The following VPS8 variants were observed in gnomAD, a reference collection of about 807,000 sequenced individuals.
The protein encoded by VPS8 is vacuolar protein sorting-associated protein 8 homolog.
A neutral mutation model predicts 216.4 loss-of-function variants in VPS8; 129 were observed. The observed-to-expected ratio is 0.60, with a 90% confidence interval of 0.52 to 0.69. VPS8 has a LOEUF of 0.69. Among genes scored for constraint, VPS8 ranks in the 30% least tolerant of loss-of-function variants. The pLI is 0.00. For missense variants in VPS8, 1,531 were observed against 1,683.5 expected (o/e 0.91, Z 1.59); for synonymous variants, 571 against 565.4 (o/e 1.01, Z -0.14).
intron 47 of VPS8, among the ~76,000 whole-genome samples, chr3:185,049,477 TTTA>T (rs754309703): frequency 6.6e-6 from 1 of 152,106 alleles, no homozygotes; most frequent in Non-Finnish European, 1.5e-5. Context: ...TAATCCCTCT[TTTA>T]CCACTACCCC....
rs967181615 is a variant in VPS8, at chr3:184,834,757, C to G, written c.447+15C>G. The G allele has an allele frequency of 5.2e-6, 8 of 1,542,754 alleles. No homozygotes were observed. The African/African-American group carries it at 8.3e-5, about 16-fold the overall frequency. On this transcript the variant is annotated intron_variant, in intron 5 of 47. Transcript: ENST00000625842. Reference sequence around the variant, plus strand: ...TGTCTGCAGCTGTAAGTATTTTGTTCTTTTCCCTCAACTTTGTAACCTGCA... The same window carrying G: ...TGTCTGCAGCTGTAAGTATTTTGTTGTTTTCCCTCAACTTTGTAACCTGCA...
At position 184,971,660 on chromosome 3, in the gene VPS8, G is replaced by T. The variant is rs771416976; in HGVS notation, c.3328G>T (p.Asp1110Tyr). ...TTTTCTAAATCTAGATACCAAAGAG[G>T]ATCCCTCATTGAAGGATGTTGAAGA... ...VTHQGENTKEDPSLKDVEDTM... is the reference protein window; with the variant it reads ...VTHQGENTKEYPSLKDVEDTM... Residue 1110 changes from aspartate to tyrosine, a missense_variant, in exon 40 of 48, where the codon GAT becomes TAT. Asp to Tyr is a radical substitution (Grantham distance 160). Coordinates refer to ENST00000625842, the MANE Select transcript of VPS8 (RefSeq NM_001009921.3). 7 of 1,611,706 alleles carry T rather than the reference G, an allele frequency of 4.3e-6. No homozygotes were observed. In the Admixed American group the frequency reaches 1.0e-4, roughly 23 times the overall value.
At chr3:184,861,246 T>C (rs1726320877) in intron 15 of VPS8, among the ~76,000 whole-genome samples, 1 of 152,238 alleles carries the variant, frequency 6.6e-6, no homozygotes, top group Admixed American at 6.5e-5. Flanking sequence ...TAATACATTT[T>C]AGCACATCAG....
At chr3:184,856,998 A>G (rs1725382298) in intron 14 of VPS8, among the ~76,000 whole-genome samples, 1 of 152,184 alleles carries the variant, frequency 6.6e-6, no homozygotes, top group Non-Finnish European at 1.5e-5. Flanking sequence ...TTGGGATTAC[A>G]AGTGTGAGCC....
intron 39 of VPS8, among the ~76,000 whole-genome samples, chr3:184,968,081 T>C (rs1481636120): frequency 2.0e-5 from 3 of 152,130 alleles, no homozygotes; most frequent in African/African-American, 7.2e-5. Flanking sequence ...TTACTTTCTT[T>C]TTTCACCATT....
chr3:184,858,551 G>A (rs558465344), intron 14 of VPS8, among the ~76,000 whole-genome samples: 2 of 152,268 alleles, frequency 1.3e-5, no homozygotes, highest in Non-Finnish European at 2.9e-5. Context: ...GTCACAAGGA[G>A]CCAAATCAGT....
chr3:184,885,574 A>G (rs1236349228), intron 21 of VPS8, among the ~76,000 whole-genome samples: 1 of 152,224 alleles, frequency 6.6e-6, no homozygotes, highest in Non-Finnish European at 1.5e-5. Context: ...AGCCACCAGC[A>G]GGACCAACTG....
intron 20 of VPS8, 118 bp downstream of exon 20, chr3:184,869,646 AACAC>A (rs563364165): frequency 2.9e-5 from 27 of 933,462 alleles, no homozygotes; most frequent in Middle Eastern, 4.5e-4. Flanking sequence ...TGTATTAAAA[AACAC>A]ACACACACAC....
chr3:184,890,389 T>G (rs1019188588), intron 22 of VPS8, among the ~76,000 whole-genome samples: 1 of 152,160 alleles, frequency 6.6e-6, no homozygotes, highest in Non-Finnish European at 1.5e-5. Context: ...CCAGATTCCT[T>G]TTATATTAAT....
At chr3:184,992,219 A>G (rs1751993128) in intron 42 of VPS8, among the ~76,000 whole-genome samples, 2 of 152,150 alleles carry the variant, frequency 1.3e-5, no homozygotes, top group Non-Finnish European at 2.9e-5. Context: ...TCCTGCTTCC[A>G]TAGCCTTTTT....
chr3:184,966,782 A>AT (rs779453441), intron 39 of VPS8, 69 bp downstream of exon 39: 98 of 1,170,568 alleles, frequency 8.4e-5, no homozygotes, highest in Non-Finnish European at 1.1e-4. Flanking sequence ...TGTTTAATAA[A>AT]TTGCATTTAT....
intron 40 of VPS8, among the ~76,000 whole-genome samples, chr3:184,978,615 G>C (rs944650580): frequency 6.6e-6 from 1 of 152,046 alleles, no homozygotes; most frequent in Admixed American, 6.6e-5. Flanking sequence ...GCTCAGGCTT[G>C]TCTCGAACTC....
At chr3:185,008,951 TTTAGA>T (rs978231800) in intron 45 of VPS8, among the ~76,000 whole-genome samples, 8 of 152,344 alleles carry the variant, frequency 5.3e-5, no homozygotes, top group Admixed American at 2.6e-4. Flanking sequence ...GGAAACCTAC[TTTAGA>T]TTAGGAGACA....
intron 45 of VPS8, among the ~76,000 whole-genome samples, chr3:185,004,253 G>C (rs1012509639): frequency 9.9e-5 from 15 of 152,240 alleles, no homozygotes; most frequent in African/African-American, 3.4e-4. Flanking sequence ...CGAGGCTGGC[G>C]GATCACTCGT....
chr3:184,909,116 T>A (rs1578192387), intron 25 of VPS8, among the ~76,000 whole-genome samples: 1 of 152,208 alleles, frequency 6.6e-6, no homozygotes, highest in African/African-American at 2.4e-5. Flanking sequence ...CCCCTGTCGC[T>A]ATCAAACCCA....
intron 46 of VPS8, among the ~76,000 whole-genome samples, chr3:185,042,650 T>C (rs1442811597): frequency 6.6e-6 from 1 of 152,178 alleles, no homozygotes; most frequent in Non-Finnish European, 1.5e-5. Flanking sequence ...GAGCTTCCCC[T>C]GCCTGTGAAG....
intron 45 of VPS8, among the ~76,000 whole-genome samples, chr3:185,004,090 G>A (rs547749381): frequency 1.3e-5 from 2 of 152,248 alleles, no homozygotes; most frequent in Non-Finnish European, 2.9e-5. Context: ...CGGCCAGGCA[G>A]AGGCTGCAAT....
intron 20 of VPS8, among the ~76,000 whole-genome samples, chr3:184,870,397 G>A (rs1174386440): frequency 3.3e-5 from 5 of 152,108 alleles, no homozygotes; most frequent in Non-Finnish European, 4.4e-5. Context: ...CGAATGATTT[G>A]CTCATCTGTG....
At chr3:184,883,714 T>G (rs970130611) in intron 21 of VPS8, among the ~76,000 whole-genome samples, 4 of 152,154 alleles carry the variant, frequency 2.6e-5, no homozygotes, top group Non-Finnish European at 5.9e-5. Context: ...GTGATCTGTC[T>G]AAATGTATGA....
Sources: gnomAD v4.1 joint callset for allele counts (sites outside exome capture counted in the v4.1 genomes callset) on GRCh38, gnomAD v4.1.1 for gene constraint, MANE v1.5 for transcripts, NCBI Gene and HGNC (gene_info 2026-07-23, HGNC 2026-07-21) for gene names.